ANKS1B: variants seen among roughly 807,000 people sequenced by gnomAD.
The protein encoded by ANKS1B is ankyrin repeat and sterile alpha motif domain containing 1B.
In ANKS1B, 36 loss-of-function variants were observed where a neutral mutation model predicts 148.3. The observed-to-expected ratio is 0.24, with a 90% confidence interval of 0.19 to 0.32. ANKS1B has a LOEUF of 0.32. Ranked by LOEUF, ANKS1B falls within the 10% of genes least tolerant of loss-of-function variation. The pLI is 1.00. For synonymous variants in ANKS1B, 542 were observed against 560.8 expected (o/e 0.97, Z 0.47); for missense variants, 1,157 against 1,542.6 (o/e 0.75, Z 4.19).
chr12:99,365,997 T>C (rs1198471887), intron 12 of ANKS1B, among the ~76,000 whole-genome samples: 1 of 152,260 alleles, frequency 6.6e-6, no homozygotes, highest in Non-Finnish European at 1.5e-5. Context: ...GCCCTTGGAC[T>C]AAGAAAATCA....
At chr12:99,485,322 A>C (rs2152949583) in intron 10 of ANKS1B, among the ~76,000 whole-genome samples, 1 of 152,212 alleles carries the variant, frequency 6.6e-6, no homozygotes, top group Non-Finnish European at 1.5e-5. Context: ...CTGTTTAAGA[A>C]GGTTGAAGAT....
intron 14 of ANKS1B, among the ~76,000 whole-genome samples, chr12:99,182,410 T>C (rs912551674): frequency 6.6e-6 from 1 of 152,240 alleles, no homozygotes; most frequent in African/African-American, 2.4e-5. Flanking sequence ...AGTGAGAACA[T>C]GCAAAGCTTT....
chr12:99,554,836 C>G (rs1488063257), intron 9 of ANKS1B, among the ~76,000 whole-genome samples: 1 of 152,048 alleles, frequency 6.6e-6, no homozygotes, highest in Non-Finnish European at 1.5e-5. Flanking sequence ...TTTTTCAGTT[C>G]TCCTCCTCCT....
chr12:99,119,466 C>T (rs115309085), intron 15 of ANKS1B, among the ~76,000 whole-genome samples: 1,522 of 152,194 alleles, frequency 0.01, 25 homozygotes, highest in African/African-American at 0.035. Flanking sequence ...GTTACAGCAG[C>T]CATGGGAAAC....
intron 17 of ANKS1B, among the ~76,000 whole-genome samples, chr12:99,006,927 G>C (rs1193037020): frequency 6.6e-6 from 1 of 152,082 alleles, no homozygotes; most frequent in African/African-American, 2.4e-5. Flanking sequence ...TCATCTATCA[G>C]GTAAGCTAAC....
chr12:98,792,382 C>T (rs1050718573), intron 22 of ANKS1B, among the ~76,000 whole-genome samples: 1 of 152,102 alleles, frequency 6.6e-6, no homozygotes, highest in African/African-American at 2.4e-5. Context: ...TATATGTATA[C>T]ATTGTGTAAT....
chr12:99,623,775 A>C (rs2098082539), intron 9 of ANKS1B, among the ~76,000 whole-genome samples: 1 of 152,096 alleles, frequency 6.6e-6, no homozygotes, highest in Non-Finnish European at 1.5e-5. Context: ...AAATGGAAAA[A>C]CATTCCACGC....
chr12:99,544,753 A>T (rs993624574), intron 9 of ANKS1B, among the ~76,000 whole-genome samples: 3 of 152,134 alleles, frequency 2.0e-5, no homozygotes, highest in African/African-American at 7.2e-5. Context: ...TTTTAAATGC[A>T]TATAGGTCTG....
At chr12:99,019,917 A>T (rs999235370) in intron 17 of ANKS1B, among the ~76,000 whole-genome samples, 16 of 152,202 alleles carry the variant, frequency 1.1e-4, no homozygotes, top group African/African-American at 3.6e-4. Context: ...TTCAGAAAGT[A>T]AAGTTTGTTA....
At chr12:99,132,509 C>A (rs1310848277) in intron 15 of ANKS1B, among the ~76,000 whole-genome samples, 3 of 151,526 alleles carry the variant, frequency 2.0e-5, no homozygotes, top group Non-Finnish European at 4.4e-5. Flanking sequence ...ATGAAGAATC[C>A]TATATATAGT....
rs115686619 is a variant in ANKS1B, at chr12:99,832,789, T to A, written c.135-7400A>T. Among the ~76,000 whole-genome samples, 1,189 of 150,766 alleles carry A rather than the reference T, an allele frequency of 7.9e-3. 16 individuals carry two copies. The highest frequency in any genetic ancestry group is 0.027 in the African/African-American group (1,123 of 40,984). Reference sequence around the variant, plus strand: ...TGCCCAGCAAAAAAAAAATAAAAAATTAATTAGTCCAATAGCTGAGAATGG... The same window carrying A: ...TGCCCAGCAAAAAAAAAATAAAAAAATAATTAGTCCAATAGCTGAGAATGG... On this transcript the variant is annotated intron_variant, in intron 1 of 26. Transcript: ENST00000683438.
chr12:98,847,178 T>C (rs973695781), intron 17 of ANKS1B, among the ~76,000 whole-genome samples: 8 of 152,226 alleles, frequency 5.3e-5, no homozygotes, highest in Non-Finnish European at 7.3e-5. Context: ...CAATACACTA[T>C]TGTTAGTTAC....
intron 1 of ANKS1B, among the ~76,000 whole-genome samples, chr12:99,894,523 A>C (rs1372890196): frequency 2.0e-5 from 3 of 149,232 alleles, no homozygotes; most frequent in African/African-American, 4.9e-5. Context: ...AAAAAAAAAA[A>C]AAAAAAACAA....
intron 17 of ANKS1B, among the ~76,000 whole-genome samples, chr12:98,880,615 A>C (rs1185715753): frequency 6.6e-6 from 1 of 151,972 alleles, no homozygotes. Flanking sequence ...AAATACAAAA[A>C]AAGTTAGCTG....
intron 17 of ANKS1B, among the ~76,000 whole-genome samples, chr12:99,008,861 C>G (rs896450419): frequency 1.3e-5 from 2 of 151,996 alleles, no homozygotes; most frequent in South Asian, 4.1e-4. Context: ...TGTGAAATGA[C>G]CCCTAGCAGA....
chr12:99,169,963 C>T (rs1313484995), intron 14 of ANKS1B, among the ~76,000 whole-genome samples: 1 of 152,182 alleles, frequency 6.6e-6, no homozygotes, highest in Admixed American at 6.6e-5. Flanking sequence ...CATCCATACA[C>T]GTGCCAGCAA....
chr12:99,530,243 GTTT>G (rs2096974212), intron 9 of ANKS1B, among the ~76,000 whole-genome samples: 1 of 152,174 alleles, frequency 6.6e-6, no homozygotes, highest in Non-Finnish European at 1.5e-5. Context: ...GCAGATACTG[GTTT>G]AGGCCCTTGG....
chr12:99,054,536 CTGTTT>C (rs1348662130), intron 16 of ANKS1B, among the ~76,000 whole-genome samples: 2 of 152,032 alleles, frequency 1.3e-5, no homozygotes, highest in Non-Finnish European at 2.9e-5. Flanking sequence ...TAAATGTTCT[CTGTTT>C]TATTTTATTT....
chr12:99,717,990 G>C (rs1299727035), intron 8 of ANKS1B, among the ~76,000 whole-genome samples: 1 of 136,882 alleles, frequency 7.3e-6, no homozygotes, highest in African/African-American at 2.7e-5. Flanking sequence ...TGCAAGCTCC[G>C]CCTCCCGGGT....
Sources: gnomAD v4.1 joint callset for allele counts (sites outside exome capture counted in the v4.1 genomes callset) on GRCh38, gnomAD v4.1.1 for gene constraint, MANE v1.5 for transcripts, NCBI Gene and HGNC (gene_info 2026-07-23, HGNC 2026-07-21) for gene names.